IL27RA: variants seen among roughly 807,000 people sequenced by gnomAD.
IL27RA encodes interleukin 27 receptor subunit alpha.
IL27RA carries 61 observed loss-of-function variants against 80.8 expected under a neutral mutation model. The ratio of observed to expected loss-of-function variants is 0.76; its 90% CI spans 0.61 to 0.93. The LOEUF (loss-of-function observed/expected upper bound fraction) is 0.93. Among genes scored for constraint, IL27RA ranks in the 40% least tolerant of loss-of-function variants. The pLI, the probability that IL27RA is intolerant of heterozygous loss-of-function variation, is 0.00. For missense variants in IL27RA, 735 were observed against 808.1 expected, an observed-to-expected ratio of 0.91 and a Z score of 1.10; for synonymous variants, 316 against 332.5, an observed-to-expected ratio of 0.95 and a Z score of 0.54.
intron 6 of IL27RA, 87 bp downstream of exon 6, chr19:14,042,876 C>A: frequency 7.5e-6 from 9 of 1,202,812 alleles, no homozygotes; most frequent in Non-Finnish European, 1.1e-5. Flanking sequence ...CAGTGGCTCA[C>A]GCTTGTAATC....
chr19:14,035,725 GGGAGTCAGA>G (rs1230066456), intron 2 of IL27RA, among the ~76,000 whole-genome samples: 3 of 152,096 alleles, frequency 2.0e-5, no homozygotes, highest in African/African-American at 7.2e-5. Context: ...TACAGGGAGG[GGGAGTCAGA>G]GAAGCCACAT....
rs1183137713 is a variant in IL27RA, at chr19:14,031,849, G to T, written c.-24G>T. On this transcript the variant is annotated 5_prime_UTR_variant, in exon 1 of 14. Coordinates refer to ENST00000263379, the MANE Select transcript of IL27RA (RefSeq NM_004843.4). ...GCGCGGACCCGGCAAGGCTGGGCCG[G>T]ACTCGGGGCTCCCGAGGGACGCCAT... 3 of 1,569,850 alleles carry T rather than the reference G, an allele frequency of 1.9e-6. No homozygotes were observed. Among genetic ancestry groups the T allele is most frequent in the Non-Finnish European group, 2.6e-6 (3 of 1,158,194 alleles).
chr19:14,041,038 G>T (rs113929985), intron 4 of IL27RA, among the ~76,000 whole-genome samples: 21,436 of 151,304 alleles, frequency 0.14, 1,969 homozygotes, highest in East Asian at 0.34. Context: ...CGAGTAGCTG[G>T]GATTACAGGC....
chr19:14,040,685 G>A (rs1294918053), intron 4 of IL27RA, among the ~76,000 whole-genome samples: 1 of 151,882 alleles, frequency 6.6e-6, no homozygotes, highest in Non-Finnish European at 1.5e-5. Context: ...AGCTGGGCGT[G>A]CTGGTGGGTG....
In IL27RA at chr19:14,051,644, A is replaced by G. The variant is rs572611676; in HGVS notation, c.1566A>G (p.Leu522=). 6 of 1,612,984 alleles carry G rather than the reference A, an allele frequency of 3.7e-6. No individual in the cohort carries two copies. The highest frequency in any genetic ancestry group is 5.1e-6 in the Non-Finnish European group (6 of 1,179,368). Residue 522 remains leucine (L), a synonymous_variant, in exon 12 of 14, where the codon CTA becomes CTG. Transcript: ENST00000263379. The stretch of plus-strand genomic sequence containing the variant: ...GGTGGAAAGTTCTGCCGGGCATCCT[A>G]TTCTTGTGGGGCTTGTTCCTGTTGG... ...TLRWKVLPGI[L]FLWGLFLLGC...
intron 4 of IL27RA, among the ~76,000 whole-genome samples, 181 bp downstream of exon 4, chr19:14,040,091 C>T (rs541494193): frequency 4.6e-5 from 7 of 152,108 alleles, no homozygotes; most frequent in African/African-American, 7.2e-5. Context: ...TGGCTGGGCA[C>T]GGTGGTTCAC....
chr19:14,044,645 G>C (rs1175488046), intron 6 of IL27RA, among the ~76,000 whole-genome samples: 1 of 151,974 alleles, frequency 6.6e-6, no homozygotes, highest in Admixed American at 6.6e-5. Flanking sequence ...AGGTGAGCAG[G>C]GTAGGGTCAC....
intron 2 of IL27RA, among the ~76,000 whole-genome samples, chr19:14,033,113 T>TG (rs1193036313): frequency 2.2e-5 from 3 of 136,066 alleles, no homozygotes; most frequent in Non-Finnish European, 4.9e-5. Context: ...TTTTTTTTTT[T>TG]GAAACGGAGT....
At chr19:14,038,096 C>T (rs1975932792) in intron 2 of IL27RA, among the ~76,000 whole-genome samples, 1 of 152,008 alleles carries the variant, frequency 6.6e-6, no homozygotes, top group Non-Finnish European at 1.5e-5. Flanking sequence ...TCCCAAAGTG[C>T]TAGGATTACA....
intron 1 of IL27RA, 32 bp from the exon 2 acceptor site, chr19:14,032,354 C>T: frequency 6.5e-7 from 1 of 1,540,448 alleles, no homozygotes; most frequent in South Asian, 1.1e-5. Context: ...GATTCGACCC[C>T]CTTTCCTGAG....
Position 14,039,526 on chromosome 19 carries a change from G to A in IL27RA, c.237G>A (p.Gln79=). Reference sequence around the variant, plus strand: ...CTCACAGCCGTTCCAACAAAACCCAGACTGTGGCAGTGGCAGCCGGACGGA... The same window carrying A: ...CTCACAGCCGTTCCAACAAAACCCAAACTGTGGCAGTGGCAGCCGGACGGA... ...QSQKYRSNKT[Q]TVAVAAGRSW... Residue 79 remains glutamine (Q), a synonymous_variant, in exon 3 of 14, where the codon CAG becomes CAA. Coordinates refer to ENST00000263379, the MANE Select transcript of IL27RA (RefSeq NM_004843.4). 2 of 1,613,714 alleles carry A rather than the reference G, an allele frequency of 1.2e-6. No individual in the cohort carries two copies. Among genetic ancestry groups the A allele is most frequent in the Non-Finnish European group, 1.7e-6 (2 of 1,179,770 alleles).
chr19:14,031,827 C>T lies in IL27RA; in HGVS notation c.-46C>T. 12 of 1,491,482 alleles carry T rather than the reference C, an allele frequency of 8.0e-6. No individual in the cohort carries two copies. Among genetic ancestry groups the T allele is most frequent in the Non-Finnish European group, 1.1e-5 (12 of 1,101,974 alleles). The allele number at this position is 1,491,482 out of a possible 1,614,324, so 92.4% of individuals were successfully genotyped here. ...CTCGAAGAGGAGCAGCGCGGCCGCGCGGACCCGGCAAGGCTGGGCCGGACT... is the reference window on the plus strand; with the variant it reads ...CTCGAAGAGGAGCAGCGCGGCCGCGTGGACCCGGCAAGGCTGGGCCGGACT... On this transcript the variant is annotated 5_prime_UTR_variant, in exon 1 of 14. Coordinates refer to ENST00000263379, the MANE Select transcript of IL27RA (RefSeq NM_004843.4).
intron 2 of IL27RA, among the ~76,000 whole-genome samples, chr19:14,038,925 G>A (rs1001609508): frequency 6.6e-6 from 1 of 150,680 alleles, no homozygotes; most frequent in African/African-American, 2.4e-5. Context: ...AGGAAGGAAG[G>A]GAGGGAGGGA....
intron 6 of IL27RA, among the ~76,000 whole-genome samples, chr19:14,043,252 A>G (rs1297209747): frequency 6.6e-6 from 1 of 152,090 alleles, no homozygotes; most frequent in Admixed American, 6.6e-5. Context: ...AGTGGTCAGC[A>G]CAGGGTGGGG....
chr19:14,039,945 C>G (rs372276918), intron 4 of IL27RA, 35 bp downstream of exon 4: 72 of 1,603,924 alleles, frequency 4.5e-5, no homozygotes, highest in Non-Finnish European at 5.8e-5. Context: ...CCACCCTATT[C>G]CGGGCGGGGA....
At chr19:14,051,328 T>G (rs796554619) in intron 11 of IL27RA, among the ~76,000 whole-genome samples, 12 of 151,956 alleles carry the variant, frequency 7.9e-5, no homozygotes, top group African/African-American at 2.9e-4. Flanking sequence ...GTGGATCAGT[T>G]GAGGTCAGGA....
At chr19:14,037,837 T>C (rs1213304821) in intron 2 of IL27RA, among the ~76,000 whole-genome samples, 8 of 148,886 alleles carry the variant, frequency 5.4e-5, no homozygotes, top group Admixed American at 4.0e-4. Flanking sequence ...TCTCTCTCTT[T>C]TTTTTTTTTT....
chr19:14,051,698 A>T lies in IL27RA; in HGVS notation c.1620A>T (p.Gly540=). Residue 540 remains glycine, a splice_region_variant and synonymous_variant, in exon 12 of 14, where the codon GGA becomes GGT. Coordinates refer to ENST00000263379, the MANE Select transcript of IL27RA (RefSeq NM_004843.4). The stretch of plus-strand genomic sequence containing the variant: ...GTGGCCTGAGCCTGGCCACCTCTGG[A>T]AGGTGAGGCTGTCGGATACATGCAT... ...LGCGLSLATS[G]RCYHLRHKVL... 6.3e-7 allele frequency: 1 copy of T among 1,599,906 alleles called. No homozygotes were observed. The highest frequency in any genetic ancestry group is 8.5e-7 in the Non-Finnish European group (1 of 1,172,012).
At chr19:14,048,329 G>A (rs945060906) in intron 8 of IL27RA, among the ~76,000 whole-genome samples, 5 of 152,172 alleles carry the variant, frequency 3.3e-5, no homozygotes, top group African/African-American at 9.7e-5. Context: ...CTGTGAAGAT[G>A]TTGGGTAAGA....
Sources: allele counts gnomAD v4.1 joint callset (sites outside exome capture counted in the v4.1 genomes callset), GRCh38; gene constraint gnomAD v4.1.1; transcripts MANE v1.5; gene names NCBI Gene and HGNC (gene_info 2026-07-23, HGNC 2026-07-21).